CRACR2A: variants seen among roughly 807,000 people sequenced by gnomAD.
The protein encoded by CRACR2A is calcium release activated channel regulator 2A.
In CRACR2A, 79 loss-of-function variants were observed where a neutral mutation model predicts 90.5. The ratio of observed to expected loss-of-function variants is 0.87; its 90% CI spans 0.73 to 1.05. CRACR2A has a LOEUF of 1.05. CRACR2A is among the 50% of genes least tolerant of loss of function. CRACR2A has a pLI of 0.00. For missense variants in CRACR2A, 823 were observed against 897.2 expected (o/e 0.92, Z 1.06); for synonymous variants, 338 against 356.7 (o/e 0.95, Z 0.59).
chr12:3,653,171 T>TG (rs1944826477), intron 10 of CRACR2A, among the ~76,000 whole-genome samples: 1 of 152,092 alleles, frequency 6.6e-6, no homozygotes, highest in Non-Finnish European at 1.5e-5. Flanking sequence ...TTAGTAGAGA[T>TG]GGGGTTTCAC....
At chr12:3,727,048 G>T (rs1180843538) in intron 2 of CRACR2A, 3 of 151,648 alleles carry the variant, frequency 2.0e-5, no homozygotes, top group Non-Finnish European at 4.4e-5. Flanking sequence ...CCAGCTACTC[G>T]GGAGGCTAAG....
At chr12:3,657,446 G>A (rs1054900189) in intron 8 of CRACR2A, among the ~76,000 whole-genome samples, 1 of 152,208 alleles carries the variant, frequency 6.6e-6, no homozygotes, top group Non-Finnish European at 1.5e-5. Context: ...CGCGGTGGGG[G>A]AACACGGCCC....
At chr12:3,641,127 C>T (rs752000786) in intron 13 of CRACR2A, among the ~76,000 whole-genome samples, 8 of 152,050 alleles carry the variant, frequency 5.3e-5, no homozygotes, top group African/African-American at 9.7e-5. Flanking sequence ...GGGCAGATCA[C>T]GAGGGCAGGA....
chr12:3,733,527 C>T (rs1395034075), intron 1 of CRACR2A, among the ~76,000 whole-genome samples: 1 of 152,190 alleles, frequency 6.6e-6, no homozygotes, highest in East Asian at 1.9e-4. Flanking sequence ...GTTTTCCTGG[C>T]TCTTTTCCTC....
At chr12:3,664,088 A>G (rs1945085894) in intron 7 of CRACR2A, among the ~76,000 whole-genome samples, 1 of 152,222 alleles carries the variant, frequency 6.6e-6, no homozygotes, top group South Asian at 2.1e-4. Context: ...TTCAATCAGG[A>G]TGTAGGCTAA....
At chr12:3,654,174 G>A (rs1184408038) in intron 10 of CRACR2A, 38 bp downstream of exon 10, 17 of 1,598,424 alleles carry the variant, frequency 1.1e-5, no homozygotes, top group Middle Eastern at 4.3e-4. Context: ...GGAGTGGTGC[G>A]GGAAGACAGC....
Position 3,638,362 on chromosome 12 carries a change from G to C in CRACR2A, c.1364C>G (p.Thr455Ser), listed in dbSNP as rs754464660. 22 of 1,551,472 alleles carry C rather than the reference G, an allele frequency of 1.4e-5. No homozygotes were observed. The highest frequency in any genetic ancestry group is 2.0e-5 in the Admixed American group (1 of 50,968). The change falls in exon 14 of 20, where the codon ACC becomes AGC. Residue 455 changes from threonine (T) to serine (S), a missense_variant. Transcript: ENST00000440314. ...CGGACCCCCAGGCCCTGGCTCCCCGGTTCCTGGCTCCTCTTCTGTTAGGGG... is the reference window on the plus strand; with the variant it reads ...CGGACCCCCAGGCCCTGGCTCCCCGCTTCCTGGCTCCTCTTCTGTTAGGGG... The part of the protein sequence containing the change: ...GYPLTEEEPG[T>S]GEPGPGGPYP...
intron 2 of CRACR2A, chr12:3,726,668 C>T (rs1946270027): frequency 1.3e-5 from 2 of 151,948 alleles, no homozygotes; most frequent in Admixed American, 6.6e-5. Context: ...CAAGGAAGCA[C>T]AGGATCCTGT....
At chr12:3,622,148 A>G (rs1409870379) in intron 17 of CRACR2A, among the ~76,000 whole-genome samples, 2 of 152,210 alleles carry the variant, frequency 1.3e-5, no homozygotes, top group South Asian at 4.1e-4. Context: ...TACCTCCTAG[A>G]TGAAGCAACA....
Position 3,666,339 on chromosome 12 carries a change from G to GTT in CRACR2A, c.672-6686_672-6685insAA, listed in dbSNP as rs1179708598. ...CCCTAAAGGACGGCTGCGTGTGTGT[G>GTT]TGTGTGTGTGTGTGTGCGTGCGTGT... is the stretch of plus-strand genomic sequence containing the variant. On this transcript the variant is annotated intron_variant, in intron 7 of 19. Transcript: ENST00000440314. Among the ~76,000 whole-genome samples the GTT allele has an allele frequency of 2.9e-3, 399 of 135,454 alleles. 6 individuals carry two copies. The South Asian group carries it at 0.038, about 13-fold the overall frequency. The allele number at this position is 135,454 out of a possible 152,430, so 88.9% of individuals were successfully genotyped here. A position where few individuals can be genotyped will look rare whatever the true frequency, so the allele number is the denominator to read the frequency against.
At chr12:3,668,320 T>A (rs1236881680) in intron 7 of CRACR2A, among the ~76,000 whole-genome samples, 5 of 152,210 alleles carry the variant, frequency 3.3e-5, no homozygotes, top group African/African-American at 9.6e-5. Flanking sequence ...GCAGCATTTC[T>A]CAGAGTGTGG....
chr12:3,658,260 T>G (rs1231029819), intron 8 of CRACR2A, among the ~76,000 whole-genome samples: 2 of 152,112 alleles, frequency 1.3e-5, no homozygotes, highest in African/African-American at 2.4e-5. Context: ...AATCACGTCT[T>G]TTCCTTTAGC....
intron 17 of CRACR2A, among the ~76,000 whole-genome samples, chr12:3,620,385 T>C (rs1400215252): frequency 6.6e-6 from 1 of 152,254 alleles, no homozygotes; most frequent in Non-Finnish European, 1.5e-5. Context: ...TAATAAGCAG[T>C]TACAGTTTTG....
chr12:3,721,950 G>C (rs1946185421), intron 2 of CRACR2A, among the ~76,000 whole-genome samples: 1 of 152,200 alleles, frequency 6.6e-6, no homozygotes, highest in Admixed American at 6.5e-5. Flanking sequence ...TAAGAGATAG[G>C]ACAGGAGGGC....
chr12:3,712,779 T>C (rs559995557), intron 3 of CRACR2A, among the ~76,000 whole-genome samples: 2 of 152,232 alleles, frequency 1.3e-5, no homozygotes, highest in East Asian at 3.9e-4. Flanking sequence ...TACACCAAAG[T>C]AAACACACCC....
chr12:3,642,874 C>T (rs957681026), intron 12 of CRACR2A, among the ~76,000 whole-genome samples: 2 of 152,152 alleles, frequency 1.3e-5, no homozygotes, highest in African/African-American at 4.8e-5. Context: ...TCCCATGATT[C>T]CCAGTGATCC....
chr12:3,665,022 C>T (rs1436359075), intron 7 of CRACR2A, among the ~76,000 whole-genome samples: 1 of 152,228 alleles, frequency 6.6e-6, no homozygotes, highest in Non-Finnish European at 1.5e-5. Flanking sequence ...CAAACAAACA[C>T]TTCTTCACCT....
At chr12:3,727,445 A>G (rs985397268) in intron 2 of CRACR2A, 5 of 152,234 alleles carry the variant, frequency 3.3e-5, no homozygotes, top group Non-Finnish European at 7.3e-5. Flanking sequence ...ATCTAATTCT[A>G]CATCGGCTGG....
chr12:3,684,982 T>A (rs958836325), intron 4 of CRACR2A, among the ~76,000 whole-genome samples: 2 of 152,232 alleles, frequency 1.3e-5, no homozygotes, highest in African/African-American at 2.4e-5. Flanking sequence ...AAGCTGTTGA[T>A]GAAAGCTGCT....
Sources: allele counts gnomAD v4.1 joint callset (sites outside exome capture counted in the v4.1 genomes callset), GRCh38; gene constraint gnomAD v4.1.1; transcripts MANE v1.5; gene names NCBI Gene and HGNC (gene_info 2026-07-23, HGNC 2026-07-21).